NR3C2: variants seen among roughly 807,000 people sequenced by gnomAD.
The protein encoded by NR3C2 is mineralocorticoid receptor.
Under a neutral mutation model 86.4 loss-of-function variants are expected in NR3C2, and 15 were observed. That is an observed-to-expected ratio of 0.17 (90% CI 0.12 to 0.27). The LOEUF (loss-of-function observed/expected upper bound fraction) is 0.27. NR3C2 is among the 10% of genes least tolerant of loss of function. The probability of loss-of-function intolerance (pLI) is 1.00; values close to 1 mark genes in which losing one functional copy is unlikely to be tolerated. For missense variants in NR3C2, 960 were observed against 1,195.6 expected (o/e 0.80, Z 2.91); for synonymous variants, 458 against 450.5 (o/e 1.02, Z -0.21).
chr4:148,104,349 T>A, intron 8 of NR3C2, among the ~76,000 whole-genome samples: 1 of 147,246 alleles, frequency 6.8e-6, no homozygotes, highest in African/African-American at 2.5e-5. Flanking sequence ...TTGGTTTTTT[T>A]TTTTTTTTTT....
At chr4:148,364,517 T>C (rs1425182896) in intron 2 of NR3C2, among the ~76,000 whole-genome samples, 1 of 152,250 alleles carries the variant, frequency 6.6e-6, no homozygotes, top group African/African-American at 2.4e-5. Flanking sequence ...TCTGAAATTG[T>C]AGAGTGAATG....
intron 2 of NR3C2, among the ~76,000 whole-genome samples, chr4:148,281,727 C>T (rs1741253642): frequency 1.3e-5 from 2 of 152,214 alleles, no homozygotes; most frequent in Non-Finnish European, 1.5e-5. Context: ...GTCTAGCAAA[C>T]ATCTGTGTTA....
chr4:148,319,880 G>T (rs1404124850), intron 2 of NR3C2, among the ~76,000 whole-genome samples: 1 of 139,332 alleles, frequency 7.2e-6, no homozygotes, highest in Non-Finnish European at 1.5e-5. Context: ...TCCTTCTCCT[G>T]CCTAATTGCC....
rs1337165967 is a variant in NR3C2, at chr4:148,114,161, A to G, written c.2742T>C (p.Ser914=). ...GGTAGAACCTCTGCCAGCTCTGCCC[A>G]GAATTGTTGGGACACTTAGTTACCA... ...RKMVTKCPNN[S]GQSWQRFYQL... Residue 914 remains serine, a synonymous_variant, in exon 8 of 9, where the codon TCT becomes TCC. Transcript: ENST00000358102. 1.2e-6 allele frequency: 2 copies of G among 1,613,822 alleles called. No homozygotes were observed. The highest frequency in any genetic ancestry group is 2.7e-5 in the African/African-American group (2 of 74,910).
At chr4:148,129,117 A>G (rs933116614) in intron 6 of NR3C2, among the ~76,000 whole-genome samples, 1 of 152,254 alleles carries the variant, frequency 6.6e-6, no homozygotes, top group East Asian at 1.9e-4. Context: ...AAAAGATAGA[A>G]GCAACCCAAG....
intron 2 of NR3C2, among the ~76,000 whole-genome samples, chr4:148,367,225 C>T (rs1486446858): frequency 6.6e-6 from 1 of 152,138 alleles, no homozygotes; most frequent in African/African-American, 2.4e-5. Flanking sequence ...TGCTTTGCTA[C>T]ATTTCAAAAG....
chr4:148,328,985 G>A (rs1449117024), intron 2 of NR3C2, among the ~76,000 whole-genome samples: 1 of 152,096 alleles, frequency 6.6e-6, no homozygotes, highest in Non-Finnish European at 1.5e-5. Context: ...CATTACCATT[G>A]TAGACATCTA....
At chr4:148,200,914 T>G (rs1468973634) in intron 3 of NR3C2, 1 of 152,038 alleles carries the variant, frequency 6.6e-6, no homozygotes, top group Non-Finnish European at 1.5e-5. Context: ...CTAACTTCAA[T>G]TTAAAAGTTA....
At chr4:148,338,478 G>A (rs536113977) in intron 2 of NR3C2, among the ~76,000 whole-genome samples, 65 of 152,290 alleles carry the variant, frequency 4.3e-4, no homozygotes, top group African/African-American at 1.4e-3. Flanking sequence ...CATTTTGCCA[G>A]TGGTGTAAAA....
Position 148,436,202 on chromosome 4 carries a change from A to C in NR3C2, c.659T>G (p.Phe220Cys). 2 of 1,614,170 alleles carry C rather than the reference A, an allele frequency of 1.2e-6. No individual in the cohort carries two copies. Among genetic ancestry groups the C allele is most frequent in the South Asian group, 2.2e-5 (2 of 91,084 alleles). The change falls in exon 2 of 9, where the codon TTT becomes TGT. Residue 220 changes from phenylalanine (F) to cysteine (C), a missense_variant. Phe to Cys is a radical substitution (Grantham distance 205). Around this residue, in one of 4 missense-constraint regions of NR3C2, gnomAD observed 680 missense variants for 719.0 expected, o/e 0.95. Coordinates refer to ENST00000358102, the MANE Select transcript of NR3C2 (RefSeq NM_000901.5). ...TGGGCTGTGCACTGGAAAACTGCCA[A>C]AGCTGGCTGTGGTGGAGGACACAGA... Reference protein sequence around the residue: ...INSVSSTTASFGSFPVHSPIT... With the variant: ...INSVSSTTASCGSFPVHSPIT...
intron 2 of NR3C2, among the ~76,000 whole-genome samples, chr4:148,411,974 A>C (rs1413476695): frequency 6.6e-6 from 1 of 152,210 alleles, no homozygotes; most frequent in Non-Finnish European, 1.5e-5. Context: ...CAATTTAAAA[A>C]AGAGGGTTTC....
intron 3 of NR3C2, among the ~76,000 whole-genome samples, chr4:148,213,490 C>A (rs532485039): frequency 1.3e-5 from 2 of 152,272 alleles, no homozygotes; most frequent in Admixed American, 1.3e-4. Flanking sequence ...TTTCTGCTTA[C>A]ATATTTATAG....
At chr4:148,125,241 C>A (rs1369604121) in intron 6 of NR3C2, among the ~76,000 whole-genome samples, 1 of 152,252 alleles carries the variant, frequency 6.6e-6, no homozygotes, top group Admixed American at 6.5e-5. Flanking sequence ...TTAGACTCCA[C>A]ACTTGATGTG....
intron 8 of NR3C2, among the ~76,000 whole-genome samples, chr4:148,100,315 G>T (rs1030791161): frequency 1.3e-5 from 2 of 152,102 alleles, no homozygotes; most frequent in African/African-American, 4.8e-5. Context: ...GAAAATATTT[G>T]CAAATCATAG....
intron 2 of NR3C2, among the ~76,000 whole-genome samples, chr4:148,419,532 T>A (rs146539670): frequency 1.3e-5 from 2 of 152,182 alleles, no homozygotes; most frequent in Non-Finnish European, 2.9e-5. Context: ...TCTTACGTAC[T>A]CTTAGGTGGA....
chr4:148,094,663 C>A (rs535084575), intron 8 of NR3C2, among the ~76,000 whole-genome samples: 3 of 150,092 alleles, frequency 2.0e-5, no homozygotes, highest in East Asian at 3.9e-4. Flanking sequence ...TGCAGTGAGC[C>A]GAGATTGCGC....
intron 3 of NR3C2, among the ~76,000 whole-genome samples, chr4:148,235,303 C>T (rs530841108): frequency 2.1e-5 from 3 of 143,032 alleles, no homozygotes; most frequent in Admixed American, 1.5e-4. Context: ...CTATCTCTTA[C>T]AGATACATAT....
intron 4 of NR3C2, among the ~76,000 whole-genome samples, chr4:148,165,486 T>C (rs1259753765): frequency 6.6e-6 from 1 of 152,154 alleles, no homozygotes; most frequent in Non-Finnish European, 1.5e-5. Context: ...CAACAGTCTT[T>C]CTGTGAAATA....
intron 4 of NR3C2, among the ~76,000 whole-genome samples, chr4:148,192,546 G>A (rs866894997): frequency 1.4e-4 from 22 of 152,154 alleles, no homozygotes; most frequent in African/African-American, 4.1e-4. Flanking sequence ...GAACTCCCAA[G>A]AGTATATGCC....
Sources: allele counts gnomAD v4.1 joint callset (sites outside exome capture counted in the v4.1 genomes callset), GRCh38; gene constraint gnomAD v4.1.1; regional missense constraint gnomAD v4.1.1; transcripts MANE v1.5; gene names NCBI Gene and HGNC (gene_info 2026-07-23, HGNC 2026-07-21).